The following SLC22A15 variants were observed in gnomAD, a reference collection of about 807,000 sequenced individuals.
SLC22A15 encodes solute carrier family 22 member 15.
A neutral mutation model predicts 62.7 loss-of-function variants in SLC22A15; 45 were observed. The observed-to-expected ratio is 0.72, with a 90% CI of 0.56 to 0.92. The LOEUF (loss-of-function observed/expected upper bound fraction) is 0.92. SLC22A15 is among the 40% of genes least tolerant of loss of function. The pLI is 0.00. For synonymous variants in SLC22A15, 264 were observed against 267.0 expected (o/e 0.99, Z 0.11); for missense variants, 622 against 665.6 (o/e 0.93, Z 0.72).
intron 1 of SLC22A15, among the ~76,000 whole-genome samples, chr1:115,984,517 A>G (rs1347589888): frequency 6.6e-6 from 1 of 152,202 alleles, no homozygotes; most frequent in African/African-American, 2.4e-5. Flanking sequence ...CATATGCGAC[A>G]CTGGGCCCAT....
intron 8 of SLC22A15, among the ~76,000 whole-genome samples, chr1:116,041,624 T>C (rs1657786654): frequency 1.3e-5 from 2 of 152,196 alleles, no homozygotes; most frequent in Admixed American, 1.3e-4. Flanking sequence ...CAACAAATCA[T>C]AGCATTCTTA....
rs189771462 is a variant in SLC22A15 at position 116,052,075 on chromosome 1, C to T, written c.1172-10687C>T. 1.5e-3 allele frequency among the ~76,000 whole-genome samples: 232 copies of T among 152,286 alleles called. 1 individual carries two copies. The highest frequency in any genetic ancestry group is 5.0e-3 in the African/African-American group (209 of 41,560). On this transcript the variant is annotated intron_variant, in intron 8 of 11. Coordinates refer to ENST00000369503, the MANE Select transcript of SLC22A15 (RefSeq NM_018420.3). ...GCGCAGGACAGTGGGTGCAGTGCACCATGCGCGAGCCGAAGCATGGCTAGG... is the reference window on the plus strand; with the variant it reads ...GCGCAGGACAGTGGGTGCAGTGCACTATGCGCGAGCCGAAGCATGGCTAGG...
chr1:116,003,478 C>T (rs1655834083), intron 2 of SLC22A15, among the ~76,000 whole-genome samples: 1 of 152,214 alleles, frequency 6.6e-6, no homozygotes, highest in African/African-American at 2.4e-5. Flanking sequence ...AGTGGTGGGA[C>T]TAGCCAGAAC....
At chr1:116,066,856 A>G (rs1438625002) in intron 11 of SLC22A15, 148 bp downstream of exon 11, 4 of 975,862 alleles carry the variant, frequency 4.1e-6, no homozygotes, top group Non-Finnish European at 6.1e-6. Context: ...AGAAATAAGG[A>G]TGATCGATGA....
At chr1:116,032,633 G>C (rs1057106625) in intron 6 of SLC22A15, 2 of 985,220 alleles carry the variant, frequency 2.0e-6, no homozygotes, top group East Asian at 1.1e-4. Context: ...ACCAACTGCT[G>C]CTTTCCCCCA....
intron 6 of SLC22A15, chr1:116,032,008 G>A (rs1056191956): frequency 1.9e-6 from 2 of 1,045,728 alleles, no homozygotes; most frequent in African/African-American, 3.4e-5. Flanking sequence ...TCTGATTGCG[G>A]TGCTCCATGC....
chr1:116,054,596 A>G (rs185239215), intron 8 of SLC22A15, among the ~76,000 whole-genome samples: 2 of 152,180 alleles, frequency 1.3e-5, no homozygotes, highest in African/African-American at 4.8e-5. Flanking sequence ...AAATCAACAG[A>G]ATATACATTT....
chr1:116,002,835 T>C (rs528913853), intron 2 of SLC22A15, among the ~76,000 whole-genome samples: 56 of 152,284 alleles, frequency 3.7e-4, no homozygotes, highest in South Asian at 1.2e-3. Context: ...CTTGGTTCTT[T>C]ATTTTACTGT....
intron 8 of SLC22A15, among the ~76,000 whole-genome samples, chr1:116,039,575 T>G (rs1479586118): frequency 2.0e-5 from 3 of 152,108 alleles, no homozygotes; most frequent in Non-Finnish European, 2.9e-5. Context: ...TTTCTATTTT[T>G]AATATTTCTA....
At chr1:116,061,698 T>C (rs200568073) in intron 8 of SLC22A15, among the ~76,000 whole-genome samples, 1 of 149,266 alleles carries the variant, frequency 6.7e-6, no homozygotes, top group African/African-American at 2.5e-5. Flanking sequence ...AAAAAAAAAA[T>C]CATTAAATTG....
intron 8 of SLC22A15, among the ~76,000 whole-genome samples, chr1:116,052,812 T>G (rs1458656394): frequency 6.6e-6 from 1 of 152,174 alleles, no homozygotes; most frequent in Non-Finnish European, 1.5e-5. Context: ...GGAGTGGACC[T>G]CTAGCAAACT....
intron 2 of SLC22A15, among the ~76,000 whole-genome samples, chr1:116,007,702 C>T (rs781131170): frequency 1.3e-5 from 2 of 152,158 alleles, no homozygotes; most frequent in African/African-American, 2.4e-5. Flanking sequence ...CCAACAACCC[C>T]ACTCTATTAG....
intron 2 of SLC22A15, among the ~76,000 whole-genome samples, chr1:116,008,297 A>C (rs190836706): frequency 6.6e-6 from 1 of 152,214 alleles, no homozygotes; most frequent in African/African-American, 2.4e-5. Flanking sequence ...TTTTAAAGGC[A>C]AAAAGAGGAA....
chr1:116,027,313 C>T (rs1423721773), intron 5 of SLC22A15: 1 of 550,818 alleles, frequency 1.8e-6, no homozygotes, highest in East Asian at 4.8e-5. Context: ...AATACCTCAA[C>T]CTTAAAGGTC....
chr1:116,046,931 A>T (rs994938215), intron 8 of SLC22A15, among the ~76,000 whole-genome samples: 10 of 152,112 alleles, frequency 6.6e-5, no homozygotes, highest in Admixed American at 2.0e-4. Context: ...CACCACAGGG[A>T]TCCCTTGGGA....
rs1182657286 is a variant in SLC22A15 at position 116,064,504 on chromosome 1, C to T, written c.1361C>T (p.Ser454Leu). The T allele has an allele frequency of 3.1e-6, 5 of 1,610,968 alleles. No individual in the cohort carries two copies. The Admixed American group carries it at 8.3e-5, about 27-fold the overall frequency. ...VGGIIAPFIP[S>L]LKYVQWSLPF... ...GGGATTATTGCTCCCTTCATCCCCTCACTGGTTGGTTTGTACCTTCTAGTT... is the reference window on the plus strand; with the variant it reads ...GGGATTATTGCTCCCTTCATCCCCTTACTGGTTGGTTTGTACCTTCTAGTT... The change falls in exon 10 of 12, where the codon TCA (serine) becomes TTA (leucine). Residue 454 changes from serine to leucine, a missense_variant. By Grantham distance (145) the Ser-to-Leu change is moderately radical. Transcript: ENST00000369503.
intron 5 of SLC22A15, among the ~76,000 whole-genome samples, chr1:116,027,858 C>T (rs1231627077): frequency 6.6e-6 from 1 of 152,200 alleles, no homozygotes; most frequent in African/African-American, 2.4e-5. Flanking sequence ...CTTCTGACCT[C>T]AGGTGATCTG....
At chr1:115,984,285 T>C (rs1012057842) in intron 1 of SLC22A15, among the ~76,000 whole-genome samples, 13 of 152,330 alleles carry the variant, frequency 8.5e-5, no homozygotes, top group Admixed American at 5.9e-4. Flanking sequence ...TTTTCCTGAG[T>C]TTTGTTTTCA....
intron 2 of SLC22A15, among the ~76,000 whole-genome samples, chr1:116,012,348 A>G (rs59882230): frequency 0.024 from 3,655 of 152,234 alleles, 152 homozygotes; most frequent in African/African-American, 0.084. Flanking sequence ...CCTAATATTC[A>G]TGATCAACTT....
Sources: gnomAD v4.1 joint callset for allele counts (sites outside exome capture counted in the v4.1 genomes callset) on GRCh38, gnomAD v4.1.1 for gene constraint, MANE v1.5 for transcripts, NCBI Gene and HGNC (gene_info 2026-07-23, HGNC 2026-07-21) for gene names.